The following RBMS1 variants were observed in gnomAD, a reference collection of about 807,000 sequenced individuals.
RBMS1 encodes the protein RNA-binding motif, single-stranded-interacting protein 1.
RBMS1 carries 17 observed loss-of-function variants against 62.3 expected under a neutral mutation model. The observed-to-expected ratio is 0.27, with a 90% confidence interval of 0.19 to 0.41. The LOEUF (loss-of-function observed/expected upper bound fraction) is 0.41. Among genes scored for constraint, RBMS1 ranks in the 10% least tolerant of loss-of-function variants. The pLI is 1.00. For synonymous variants in RBMS1, 172 were observed against 170.0 expected, an observed-to-expected ratio of 1.01 and a Z score of -0.09; for missense variants, 334 against 504.5, an observed-to-expected ratio of 0.66 and a Z score of 3.24.
chr2:160,406,387 A>G (rs1695708877), intron 1 of RBMS1, among the ~76,000 whole-genome samples: 1 of 152,264 alleles, frequency 6.6e-6, no homozygotes, highest in Non-Finnish European at 1.5e-5. Context: ...GCCACCAAGC[A>G]TCACTGCCAT....
chr2:160,367,138 T>C (rs1693442268), intron 2 of RBMS1, 78 bp downstream of exon 2: 5 of 1,361,014 alleles, frequency 3.7e-6, no homozygotes, highest in Non-Finnish European at 5.1e-6. Flanking sequence ...ACTTCTCTTA[T>C]AATGCAGTAT....
chr2:160,456,407 G>C (rs1411441961), intron 1 of RBMS1, among the ~76,000 whole-genome samples: 1 of 152,120 alleles, frequency 6.6e-6, no homozygotes, highest in Non-Finnish European at 1.5e-5. Context: ...GAATTCTAGG[G>C]AAGTTTTTTT....
At position 160,480,332 on chromosome 2, in the gene RBMS1, G is replaced by A. The variant is rs200303842; in HGVS notation, c.75+12957C>T. On this transcript the variant is annotated intron_variant, in intron 1 of 13. Coordinates refer to ENST00000348849, the MANE Select transcript of RBMS1 (RefSeq NM_016836.4). ...GCATGCAAGAAAAATTAAAAAGAAC[G>A]TCATCTGTTCTTAAAGAGTAGGTTT... Among the ~76,000 whole-genome samples the A allele has an allele frequency of 1.1e-4, 16 of 152,198 alleles. No individual in the cohort carries two copies. The South Asian group carries it at 3.3e-3, about 32-fold the overall frequency.
chr2:160,420,014 A>AT (rs1312498900), intron 1 of RBMS1, among the ~76,000 whole-genome samples: 1 of 152,142 alleles, frequency 6.6e-6, no homozygotes, highest in Admixed American at 6.5e-5. Context: ...CTCTTTCTCC[A>AT]TATCTTTTAT....
chr2:160,333,279 C>T (rs1233902427), intron 2 of RBMS1, among the ~76,000 whole-genome samples: 1 of 152,020 alleles, frequency 6.6e-6, no homozygotes, highest in African/African-American at 2.4e-5. Flanking sequence ...ATAATAATTC[C>T]CATTCTCTTG....
chr2:160,426,617 A>G (rs1682637983), intron 1 of RBMS1, among the ~76,000 whole-genome samples: 1 of 152,236 alleles, frequency 6.6e-6, no homozygotes, highest in South Asian at 2.1e-4. Flanking sequence ...AGTAGGTTTT[A>G]GAGATTCCAT....
chr2:160,435,131 T>G (rs1683059359), intron 1 of RBMS1, among the ~76,000 whole-genome samples: 1 of 152,218 alleles, frequency 6.6e-6, no homozygotes. Context: ...TAACTTTCTA[T>G]GGAAAGAGTG....
rs1024997798 is a variant in RBMS1 at position 160,379,637 on chromosome 2, A to G, written c.76-12246T>C. On this transcript the variant is annotated intron_variant, in intron 1 of 13. Coordinates refer to ENST00000348849, the MANE Select transcript of RBMS1 (RefSeq NM_016836.4). ...TTCAATGTTTACAGAAATCGGATGC[A>G]ACATTTTTTCTTTTCGTTTTAAAAT... is the stretch of plus-strand genomic sequence containing the variant. Among the ~76,000 whole-genome samples the G allele has an allele frequency of 2.6e-5, 4 of 152,230 alleles. No individual in the cohort carries two copies. The South Asian group carries it at 6.2e-4, about 24-fold the overall frequency.
At chr2:160,333,921 T>C (rs891503754) in intron 2 of RBMS1, among the ~76,000 whole-genome samples, 4 of 151,836 alleles carry the variant, frequency 2.6e-5, no homozygotes, top group Non-Finnish European at 4.4e-5. Context: ...TGAACTCTAG[T>C]GAACTTAAAA....
At chr2:160,330,352 TAA>T (rs1051621801) in intron 2 of RBMS1, among the ~76,000 whole-genome samples, 1 of 152,134 alleles carries the variant, frequency 6.6e-6, no homozygotes, top group African/African-American at 2.4e-5. Flanking sequence ...CCAGCACTTG[TAA>T]AAGACATTTT....
chr2:160,277,366 T>C lies in RBMS1; in HGVS notation c.1080A>G (p.Ser360=), dbSNP rs777494439. 2.5e-6 allele frequency: 4 copies of C among 1,613,126 alleles called. No individual in the cohort carries two copies. In the East Asian group the frequency reaches 8.9e-5, roughly 36 times the overall value. Residue 360 remains serine (S), a synonymous_variant, in exon 12 of 14, where the codon TCA becomes TCG. Transcript: ENST00000348849. The part of the protein sequence containing the change: ...GSTGTYMPAT[S]AMQGAYLPQY... ...GTGGCAAGTAGGCTCCTTGCATAGC[T>C]GACGTTGCAGGCATGTACTAGAAAG...
At chr2:160,347,590 A>C (rs1184996919) in intron 2 of RBMS1, among the ~76,000 whole-genome samples, 2 of 152,138 alleles carry the variant, frequency 1.3e-5, no homozygotes, top group African/African-American at 4.8e-5. Context: ...CAGTTTTCTC[A>C]TCGAAGGTCA....
chr2:160,352,283 C>T (rs1236719523), intron 2 of RBMS1, among the ~76,000 whole-genome samples: 3 of 152,072 alleles, frequency 2.0e-5, no homozygotes. Context: ...GGCCCAAGTA[C>T]TGGAATTCTA....
chr2:160,427,811 G>T (rs749173971), intron 1 of RBMS1, among the ~76,000 whole-genome samples: 3 of 152,116 alleles, frequency 2.0e-5, no homozygotes, highest in Admixed American at 1.3e-4. Context: ...AGGCAAGTTC[G>T]AATGTTAAGT....
chr2:160,294,354 T>G (rs1457233047), intron 6 of RBMS1, among the ~76,000 whole-genome samples: 1 of 152,158 alleles, frequency 6.6e-6, no homozygotes, highest in Non-Finnish European at 1.5e-5. Flanking sequence ...GTACATTAGA[T>G]TTTTACAAAA....
chr2:160,461,001 G>C (rs1311115195), intron 1 of RBMS1, among the ~76,000 whole-genome samples: 1 of 152,224 alleles, frequency 6.6e-6, no homozygotes, highest in Non-Finnish European at 1.5e-5. Flanking sequence ...GCTCACGCCT[G>C]TAATCCCAAT....
intron 2 of RBMS1, among the ~76,000 whole-genome samples, chr2:160,352,708 C>T (rs926407486): frequency 1.4e-4 from 21 of 152,128 alleles, no homozygotes; most frequent in African/African-American, 4.8e-4. Flanking sequence ...AAATGACCTA[C>T]ACATCCATCA....
intron 6 of RBMS1, among the ~76,000 whole-genome samples, chr2:160,298,044 T>C (rs1689028685): frequency 6.6e-6 from 1 of 152,040 alleles, no homozygotes; most frequent in African/African-American, 2.4e-5. Flanking sequence ...TAAGAAGAAA[T>C]AGGGCTGATG....
At chr2:160,335,774 T>C (rs1691534786) in intron 2 of RBMS1, among the ~76,000 whole-genome samples, 1 of 152,202 alleles carries the variant, frequency 6.6e-6, no homozygotes, top group Non-Finnish European at 1.5e-5. Flanking sequence ...TAGCTTCCCT[T>C]TGTGTCTAGG....
Sources: gnomAD v4.1 joint callset for allele counts (sites outside exome capture counted in the v4.1 genomes callset) on GRCh38, gnomAD v4.1.1 for gene constraint, MANE v1.5 for transcripts, NCBI Gene and HGNC (gene_info 2026-07-23, HGNC 2026-07-21) for gene names.